MARCHF7: variants seen among roughly 807,000 people sequenced by gnomAD.
MARCHF7 encodes membrane associated ring-CH-type finger 7.
A neutral mutation model predicts 76.5 loss-of-function variants in MARCHF7; 20 were observed. The ratio of observed to expected loss-of-function variants is 0.26; its 90% CI spans 0.18 to 0.38. The LOEUF is 0.38. Ranked by LOEUF, MARCHF7 falls within the 10% of genes least tolerant of loss-of-function variation. The pLI, the probability that MARCHF7 is intolerant of heterozygous loss-of-function variation, is 1.00. For synonymous variants in MARCHF7, 295 were observed against 293.0 expected (o/e 1.01, Z -0.07); for missense variants, 797 against 812.9 (o/e 0.98, Z 0.24).
intron 3 of MARCHF7, among the ~76,000 whole-genome samples, chr2:159,718,332 TG>T (rs1390723967): frequency 6.6e-6 from 1 of 152,134 alleles, no homozygotes; most frequent in Non-Finnish European, 1.5e-5. Context: ...AAATAGGAAA[TG>T]AATTTTATTA....
Position 159,759,313 on chromosome 2 carries a change from A to G in MARCHF7, c.1871A>G (p.His624Arg). The G allele has an allele frequency of 1.2e-6, 2 of 1,605,482 alleles. No individual in the cohort carries two copies. Among genetic ancestry groups the G allele is most frequent in the Non-Finnish European group, 1.7e-6 (2 of 1,172,896 alleles). ...NLEDFDIHELHRAHANEQAEY... is the reference protein window; with the variant it reads ...NLEDFDIHELRRAHANEQAEY... ...GAGGATTTTGATATTCATGAACTAC[A>G]TAGAGCTCATGCAAATGAACAAGTT... The change falls in exon 9 of 12, where the codon CAT (histidine) becomes CGT (arginine). Residue 624 changes from histidine to arginine, a missense_variant. Around this residue, in one of 3 missense-constraint regions of MARCHF7, gnomAD observed 124 missense variants for 121.3 expected, o/e 1.02. Coordinates refer to ENST00000409175, the MANE Select transcript of MARCHF7 (RefSeq NM_001282805.2).
Position 159,762,296 on chromosome 2 carries a change from A to G in MARCHF7, c.1894-584A>G, listed in dbSNP as rs1047071341. The stretch of plus-strand genomic sequence containing the variant: ...CTGGCAGCAGTCCTGAACCTTGACT[A>G]AAATAAACTCTGTTAAATTTCGTCT... On this transcript the variant is annotated intron_variant, in intron 9 of 11. Transcript: ENST00000409175. 5.3e-5 allele frequency among the ~76,000 whole-genome samples: 8 copies of G among 152,226 alleles called. No individual in the cohort carries two copies. In the East Asian group the frequency reaches 9.6e-4, roughly 18 times the overall value.
Position 159,743,148 on chromosome 2 carries a change from C to T in MARCHF7, c.241C>T (p.Gln81Ter). The change falls in exon 5 of 12, where the codon CAG (glutamine) becomes TAG (stop). Residue 81 changes from glutamine (Q) to a stop codon, truncating the protein, a stop_gained. Coordinates refer to ENST00000409175, the MANE Select transcript of MARCHF7 (RefSeq NM_001282805.2). LOFTEE classifies it high-confidence loss of function. ...AACTCAGGGAGCACGCTCAAGATCG[C>T]AGAACCAGCAACGGGATCATGATTC... Reference protein sequence around the residue: ...EITQGARSRSQNQQRDHDSKR... With the variant: ...EITQGARSRS The T allele has an allele frequency of 6.2e-7, 1 of 1,614,186 alleles. No homozygotes were observed. The highest frequency in any genetic ancestry group is 1.1e-5 in the South Asian group (1 of 91,088).
rs1323221415 is a variant in MARCHF7, at chr2:159,770,088, ACTC to A, written c.*2749_*2751del. On this transcript the variant is annotated 3_prime_UTR_variant, in exon 12 of 12. Transcript: ENST00000409175. ...CCCAAATTCTACCACTCCTTTAAGA[ACTC>A]CTTTAGAACTCTTTTAGTTCACATA... 1 of 151,636 alleles carries A rather than the reference ACTC, an allele frequency of 6.6e-6. No homozygotes were observed. The highest frequency in any genetic ancestry group is 1.5e-5 in the Non-Finnish European group (1 of 67,962). The allele number at this position is 151,636 out of a possible 1,614,324, so 9.4% of individuals were successfully genotyped here. A position where few individuals can be genotyped will look rare whatever the true frequency, so the allele number is the denominator to read the frequency against.
Position 159,748,327 on chromosome 2 carries a change from A to G in MARCHF7, c.1037A>G (p.Gln346Arg). The change falls in exon 7 of 12, where the codon CAG (glutamine) becomes CGG (arginine). Residue 346 changes from glutamine to arginine, a missense_variant. Coordinates refer to ENST00000409175, the MANE Select transcript of MARCHF7 (RefSeq NM_001282805.2). ...GATAATAGGGCATCTGAAGCTTCTC[A>G]GGGATTTCGATTTCTTAGGCGAAGA... The part of the protein sequence containing the change: ...VPDNRASEAS[Q>R]GFRFLRRRWG... 6.2e-7 allele frequency: 1 copy of G among 1,613,602 alleles called. No homozygotes were observed. The highest frequency in any genetic ancestry group is 1.3e-5 in the African/African-American group (1 of 75,006).
Position 159,743,045 on chromosome 2 carries a change from T to G in MARCHF7, c.154-16T>G. 6.3e-7 allele frequency: 1 copy of G among 1,598,532 alleles called. No individual in the cohort carries two copies. The highest frequency in any genetic ancestry group is 1.1e-5 in the South Asian group (1 of 89,118). ...TGCAGCCTTTTGTTGTTTAAAAAAT[T>G]TTTTTGAACTCACAGTCTACATCAG... On this transcript the variant is annotated splice_polypyrimidine_tract_variant and intron_variant, in intron 4 of 11. Coordinates refer to ENST00000409175, the MANE Select transcript of MARCHF7 (RefSeq NM_001282805.2).
intron 11 of MARCHF7, 115 bp from the exon 12 acceptor site, chr2:159,767,169 A>G (rs115325232): frequency 0.011 from 7,696 of 732,298 alleles, 59 homozygotes; most frequent in Non-Finnish European, 0.014. Flanking sequence ...ATCAAACAAT[A>G]TACTAAATTG....
intron 2 of MARCHF7, among the ~76,000 whole-genome samples, 177 bp downstream of exon 2, chr2:159,714,775 G>C (rs1474202967): frequency 2.6e-5 from 4 of 152,144 alleles, no homozygotes; most frequent in Non-Finnish European, 5.9e-5. Context: ...GGTGGTGCGG[G>C]TGTAGTGGTG....
At chr2:159,724,957 T>C (rs983228028) in intron 3 of MARCHF7, among the ~76,000 whole-genome samples, 19 of 152,206 alleles carry the variant, frequency 1.2e-4, no homozygotes, top group African/African-American at 3.9e-4. Flanking sequence ...TTGGCGATAG[T>C]TTGCTGAGAA....
At chr2:159,720,119 G>T (rs1204201917) in intron 3 of MARCHF7, among the ~76,000 whole-genome samples, 1 of 152,198 alleles carries the variant, frequency 6.6e-6, no homozygotes, top group South Asian at 2.1e-4. Flanking sequence ...TCCGCCTCCT[G>T]GATTCAAGCG....
At chr2:159,726,679 G>A (rs1244422533) in intron 3 of MARCHF7, among the ~76,000 whole-genome samples, 1 of 152,138 alleles carries the variant, frequency 6.6e-6, no homozygotes, top group Non-Finnish European at 1.5e-5. Context: ...TCTTAACCAT[G>A]TTTGTGTACA....
Position 159,743,188 on chromosome 2 carries a change from T to G in MARCHF7, c.281T>G (p.Leu94Arg). 2 of 1,614,218 alleles carry G rather than the reference T, an allele frequency of 1.2e-6. No individual in the cohort carries two copies. Among genetic ancestry groups the G allele is most frequent in the Non-Finnish European group, 1.7e-6 (2 of 1,180,038 alleles). Residue 94 changes from leucine to arginine, a missense_variant, in exon 5 of 12, where the codon CTT becomes CGT. Physicochemically the swap from Leu to Arg is moderately radical, Grantham distance 102. Transcript: ENST00000409175. ...GATCATGATTCAAAAAGACCTAAAC[T>G]TTCCTGTACAAACTGTACTACCTCA... ...QRDHDSKRPK[L>R]SCTNCTTSAG...
chr2:159,723,738 A>G (rs918094513), intron 3 of MARCHF7, among the ~76,000 whole-genome samples: 2 of 152,190 alleles, frequency 1.3e-5, no homozygotes, highest in African/African-American at 4.8e-5. Flanking sequence ...AGCTCACCTA[A>G]TAACAATCAT....
At chr2:159,763,807 T>TA (rs1188117268) in intron 10 of MARCHF7, among the ~76,000 whole-genome samples, 2 of 152,162 alleles carry the variant, frequency 1.3e-5, no homozygotes, top group African/African-American at 4.8e-5. Context: ...TCTAAATTAG[T>TA]AAAAAATTTT....
rs374895003 is a variant in MARCHF7 at position 159,764,668 on chromosome 2, C to T, written c.2050C>T (p.Leu684Phe). 1 of 1,600,884 alleles carries T rather than the reference C, an allele frequency of 6.2e-7. No homozygotes were observed. Among genetic ancestry groups the T allele is most frequent in the Non-Finnish European group, 8.5e-7 (1 of 1,174,374 alleles). The change falls in exon 11 of 12, where the codon CTC becomes TTC. Residue 684 changes from leucine to phenylalanine, a missense_variant. Leu to Phe is a conservative substitution (Grantham distance 22). Transcript: ENST00000409175. ...ARTLQAHMED[L>F]ETSEDDSEED... ...AACTCTTCAGGCACATATGGAAGATCTCGAAAGTAGGTGGAATTTCCCCTC... is the reference window on the plus strand; with the variant it reads ...AACTCTTCAGGCACATATGGAAGATTTCGAAAGTAGGTGGAATTTCCCCTC...
chr2:159,729,913 T>G (rs904170650), intron 4 of MARCHF7, among the ~76,000 whole-genome samples: 5 of 152,166 alleles, frequency 3.3e-5, no homozygotes, highest in Admixed American at 1.3e-4. Flanking sequence ...ATATTTTGCT[T>G]TGAATGTTGA....
chr2:159,763,645 C>G (rs1300091686), intron 10 of MARCHF7, among the ~76,000 whole-genome samples: 3 of 152,188 alleles, frequency 2.0e-5, no homozygotes, highest in Non-Finnish European at 4.4e-5. Context: ...TTGTAGCATT[C>G]TGAACACTTC....
chr2:159,747,284 A>G (rs1322882641), intron 6 of MARCHF7, among the ~76,000 whole-genome samples: 1 of 152,232 alleles, frequency 6.6e-6, no homozygotes, highest in African/African-American at 2.4e-5. Flanking sequence ...AAAGAAAAAA[A>G]AATTGGAAAA....
At chr2:159,750,258 T>C (rs1417047403) in intron 7 of MARCHF7, among the ~76,000 whole-genome samples, 2 of 152,180 alleles carry the variant, frequency 1.3e-5, no homozygotes, top group African/African-American at 2.4e-5. Context: ...CCGGGCGCAG[T>C]GGTTCACGCT....
Sources: allele counts gnomAD v4.1 joint callset (sites outside exome capture counted in the v4.1 genomes callset), GRCh38; gene constraint gnomAD v4.1.1; regional missense constraint gnomAD v4.1.1; transcripts MANE v1.5; gene names NCBI Gene and HGNC (gene_info 2026-07-23, HGNC 2026-07-21).